Variants in E2F6 observed in about 807,000 individuals in gnomAD.
E2F6 encodes transcription factor E2F6.
E2F6 carries 19 observed loss-of-function variants against 31.5 expected under a neutral mutation model. The ratio of observed to expected loss-of-function variants is 0.60; its 90% CI spans 0.42 to 0.89. The LOEUF is 0.89. E2F6 is among the 40% of genes least tolerant of loss of function. E2F6 has a pLI of 0.00. For synonymous variants in E2F6, 121 were observed against 127.7 expected (o/e 0.95, Z 0.36); for missense variants, 269 against 341.6 (o/e 0.79, Z 1.67).
rs1671558622 is a variant in E2F6, at chr2:11,458,555, T to A, written c.109-1322A>T. ...ACTTTATGTCATAACCAGTAGAGAA[T>A]CACCAAAGGTTTCTGAACCAGACTA... On this transcript the variant is annotated intron_variant, in intron 1 of 6. Transcript: ENST00000381525. Among the ~76,000 whole-genome samples the A allele has an allele frequency of 3.3e-5, 5 of 152,138 alleles. 1 individual carries two copies. The South Asian group carries it at 1.0e-3, about 32-fold the overall frequency.
At position 11,453,640 on chromosome 2, in the gene E2F6, T is replaced by C. The variant is rs957086081; in HGVS notation, c.322A>G (p.Asn108Asp). ...ACGAGGTCGATTCCATCTAAGACAT[T>C]GGTGATGTCATACACTCTCCGCTTT... is the stretch of plus-strand genomic sequence containing the variant. Reference protein sequence around the residue: ...VRKRRVYDITNVLDGIDLVEK... With the variant: ...VRKRRVYDITDVLDGIDLVEK... The change falls in exon 3 of 7, where the codon AAT becomes GAT. Residue 108 changes from asparagine (N) to aspartate (D), a missense_variant. By Grantham distance (23) the Asn-to-Asp change is conservative. Transcript: ENST00000381525. 1 of 1,614,164 alleles carries C rather than the reference T, an allele frequency of 6.2e-7. No individual in the cohort carries two copies. The highest frequency in any genetic ancestry group is 8.5e-7 in the Non-Finnish European group (1 of 1,180,024).
At chr2:11,465,437 G>A (rs1354425131) in intron 1 of E2F6, among the ~76,000 whole-genome samples, 1 of 152,150 alleles carries the variant, frequency 6.6e-6, no homozygotes, top group East Asian at 1.9e-4. Context: ...CAGAAGGATG[G>A]GAGAGGAGGC....
intron 1 of E2F6, among the ~76,000 whole-genome samples, chr2:11,464,580 G>A (rs1672015139): frequency 6.6e-6 from 1 of 151,558 alleles, no homozygotes; most frequent in Non-Finnish European, 1.5e-5. Flanking sequence ...AGATGGGAGG[G>A]GATATGGAAT....
At chr2:11,462,694 C>T (rs1671861838) in intron 1 of E2F6, among the ~76,000 whole-genome samples, 1 of 152,156 alleles carries the variant, frequency 6.6e-6, no homozygotes, top group South Asian at 2.1e-4. Flanking sequence ...AATCAAGAAA[C>T]AGCTACTAAG....
intron 4 of E2F6, among the ~76,000 whole-genome samples, chr2:11,450,694 T>C (rs1671006942): frequency 6.6e-6 from 1 of 152,244 alleles, no homozygotes; most frequent in African/African-American, 2.4e-5. Context: ...CTTGTCTCAC[T>C]GTGTTGCCTC....
intron 6 of E2F6, among the ~76,000 whole-genome samples, chr2:11,447,422 T>G (rs1335308731): frequency 6.6e-6 from 1 of 152,204 alleles, no homozygotes; most frequent in Non-Finnish European, 1.5e-5. Context: ...CCAAACAGAA[T>G]TCTAAGTTTT....
At position 11,444,682 on chromosome 2, in the gene E2F6, C is replaced by G. The variant is rs1189258483; in HGVS notation, c.*1795G>C. 6.6e-6 allele frequency: 1 copy of G among 150,564 alleles called. No individual in the cohort carries two copies. Among genetic ancestry groups the G allele is most frequent in the Non-Finnish European group, 1.5e-5 (1 of 67,754 alleles). 9.3% of individuals were successfully genotyped at this position (150,564 alleles called of 1,614,324 possible). A position where few individuals can be genotyped will look rare whatever the true frequency, so the allele number is the denominator to read the frequency against. On this transcript the variant is annotated 3_prime_UTR_variant, in exon 7 of 7. Transcript: ENST00000381525. ...TACTCTTTAGATGACCTCTCCTACT[C>G]TTGTGGCTTAAACTATCGCATCTAA... is the stretch of plus-strand genomic sequence containing the variant.
intron 1 of E2F6, among the ~76,000 whole-genome samples, chr2:11,460,828 C>G (rs1671730767): frequency 6.6e-6 from 1 of 152,142 alleles, no homozygotes; most frequent in East Asian, 1.9e-4. Flanking sequence ...TGCATCTAAA[C>G]ATAGAAAAGG....
chr2:11,453,844 C>T (rs1671228085), intron 2 of E2F6, 46 bp from the exon 3 acceptor site: 1 of 1,507,330 alleles, frequency 6.6e-7, no homozygotes, highest in African/African-American at 1.4e-5. Context: ...AATAACATTT[C>T]TCAACTCATT....
At chr2:11,461,284 C>T (rs1671763227) in intron 1 of E2F6, among the ~76,000 whole-genome samples, 2 of 152,184 alleles carry the variant, frequency 1.3e-5, no homozygotes. Flanking sequence ...CCCACTCTTT[C>T]CCAACCAATA....
intron 1 of E2F6, chr2:11,458,172 A>G (rs1362680828): frequency 8.6e-7 from 1 of 1,158,664 alleles, no homozygotes; most frequent in African/African-American, 1.5e-5. Flanking sequence ...TTTAGCTCTT[A>G]TCTAAGAAAA....
At chr2:11,452,360 T>C (rs1303060877) in intron 3 of E2F6, among the ~76,000 whole-genome samples, 1 of 152,204 alleles carries the variant, frequency 6.6e-6, no homozygotes, top group Non-Finnish European at 1.5e-5. Flanking sequence ...TCCCAGCACT[T>C]TGGGAGGCTG....
chr2:11,461,152 AGGATGAT>A (rs959189515), intron 1 of E2F6, among the ~76,000 whole-genome samples: 20 of 152,136 alleles, frequency 1.3e-4, no homozygotes, highest in Non-Finnish European at 1.5e-5. Flanking sequence ...AGGGGTGGAA[AGGATGAT>A]ACCACTGTAG....
intron 1 of E2F6, among the ~76,000 whole-genome samples, chr2:11,460,889 A>T (rs139359130): frequency 2.2e-4 from 34 of 152,310 alleles, no homozygotes; most frequent in Non-Finnish European, 4.3e-4. Flanking sequence ...ACCAGGTGAT[A>T]GAAATTTTTC....
chr2:11,450,825 G>GTT, intron 4 of E2F6, among the ~76,000 whole-genome samples: 1 of 152,024 alleles, frequency 6.6e-6, no homozygotes. Context: ...GGGAATAGAG[G>GTT]TTTTTGACTG....
In E2F6 at chr2:11,444,534, C is replaced by T. The variant is rs1670607584; in HGVS notation, c.*1943G>A. 1 of 152,134 alleles carries T rather than the reference C, an allele frequency of 6.6e-6. No homozygotes were observed. Among genetic ancestry groups the T allele is most frequent in the Non-Finnish European group, 1.5e-5 (1 of 68,036 alleles). The allele number at this position is 152,134 out of a possible 1,614,324, so 9.4% of individuals were successfully genotyped here. ...TGCTGCTCAGAAATGATGGTATTAC[C>T]TTTGGTAAAACCTTTGTTGGTTTTT... On this transcript the variant is annotated 3_prime_UTR_variant, in exon 7 of 7. Transcript: ENST00000381525.
intron 6 of E2F6, among the ~76,000 whole-genome samples, chr2:11,446,910 C>T (rs1019132399): frequency 6.6e-6 from 1 of 152,230 alleles, no homozygotes; most frequent in Admixed American, 6.5e-5. Flanking sequence ...AGCTTCCTAT[C>T]GGTCCAGCCT....
At position 11,445,909 on chromosome 2, in the gene E2F6, G is replaced by A. The variant is rs11203; in HGVS notation, c.*568C>T. ...TCCAGAGGATTCTAATAAGTTATAG[G>A]TACCAAAGAGATTAGAGAATTTGTC... On this transcript the variant is annotated 3_prime_UTR_variant, in exon 7 of 7. Transcript: ENST00000381525. 67,720 of 150,522 alleles carry A rather than the reference G, an allele frequency of 0.45. 15,888 individuals carry two copies. The highest frequency in any genetic ancestry group is 0.61 in the East Asian group (3,093 of 5,078). 9.3% of individuals were successfully genotyped at this position (150,522 alleles called of 1,614,324 possible). A position where few individuals can be genotyped will look rare whatever the true frequency, so the allele number is the denominator to read the frequency against.
intron 4 of E2F6, among the ~76,000 whole-genome samples, chr2:11,450,451 A>G (rs1670991890): frequency 1.3e-5 from 2 of 152,196 alleles, no homozygotes; most frequent in Admixed American, 6.5e-5. Flanking sequence ...AATACACCAC[A>G]TAAAGAAATT....
Sources: allele counts gnomAD v4.1 joint callset (sites outside exome capture counted in the v4.1 genomes callset), GRCh38; gene constraint gnomAD v4.1.1; transcripts MANE v1.5; gene names NCBI Gene and HGNC (gene_info 2026-07-23, HGNC 2026-07-21).